The following PHF20 variants were observed in gnomAD, a reference collection of about 807,000 sequenced individuals.
The protein encoded by PHF20 is PHD finger protein 20, also known as glioma-expressed antigen 2.
A neutral mutation model predicts 113.5 loss-of-function variants in PHF20; 23 were observed. The observed-to-expected ratio is 0.20, with a 90% CI of 0.15 to 0.29. PHF20 has a LOEUF of 0.29. PHF20 is among the 10% of genes least tolerant of loss of function. The pLI, the probability that PHF20 is intolerant of heterozygous loss-of-function variation, is 1.00. For missense variants in PHF20, 943 were observed against 1,219.6 expected (o/e 0.77, Z 3.38); for synonymous variants, 434 against 457.3 (o/e 0.95, Z 0.65).
chr20:35,816,931 C>T (rs2042086346), intron 2 of PHF20, among the ~76,000 whole-genome samples: 1 of 150,114 alleles, frequency 6.7e-6, no homozygotes, highest in Non-Finnish European at 1.5e-5. Context: ...AGTGGGATTA[C>T]AGGCGTGCAC....
intron 9 of PHF20, among the ~76,000 whole-genome samples, chr20:35,879,959 T>C (rs1482708279): frequency 6.6e-6 from 1 of 151,426 alleles, no homozygotes; most frequent in Non-Finnish European, 1.5e-5. Context: ...AACACTGTGC[T>C]CCAGAGCTGT....
intron 9 of PHF20, among the ~76,000 whole-genome samples, chr20:35,875,889 G>A (rs1352461872): frequency 6.6e-6 from 1 of 152,100 alleles, no homozygotes; most frequent in Non-Finnish European, 1.5e-5. Flanking sequence ...TATTTTATGG[G>A]GTCTTGGGCT....
At chr20:35,775,777 C>A (rs1007819646) in intron 1 of PHF20, among the ~76,000 whole-genome samples, 6 of 119,380 alleles carry the variant, frequency 5.0e-5, no homozygotes, top group Non-Finnish European at 1.1e-4. Flanking sequence ...AAAAAAAAGG[C>A]CAAAACTTCT....
At chr20:35,792,188 C>T (rs187575927) in intron 1 of PHF20, among the ~76,000 whole-genome samples, 2 of 151,890 alleles carry the variant, frequency 1.3e-5, no homozygotes, top group African/African-American at 4.8e-5. Context: ...CTATTTCTTT[C>T]TTCACTCTTC....
Position 35,915,951 on chromosome 20 carries a change from A to G in PHF20, c.1826-1533A>G, listed in dbSNP as rs148047888. On this transcript the variant is annotated intron_variant, in intron 12 of 17. Coordinates refer to ENST00000374012, the MANE Select transcript of PHF20 (RefSeq NM_016436.5). ...GAAGTTCAAGACCAGCCTGGGCAAC[A>G]TGGCAAACCTTGCCTCTACAAAAAA... 1.9e-4 allele frequency among the ~76,000 whole-genome samples: 29 copies of G among 152,186 alleles called. No homozygotes were observed. The East Asian group carries it at 5.4e-3, about 28-fold the overall frequency.
At chr20:35,849,458 G>A in intron 4 of PHF20, 1 of 471,292 alleles carries the variant, frequency 2.1e-6, no homozygotes, top group South Asian at 1.5e-5. Flanking sequence ...GGAGGAGGCA[G>A]GGCAGGATGG....
At chr20:35,832,925 C>T (rs1333202246) in intron 2 of PHF20, among the ~76,000 whole-genome samples, 1 of 151,846 alleles carries the variant, frequency 6.6e-6, no homozygotes, top group Non-Finnish European at 1.5e-5. Context: ...GTGGTGGGCA[C>T]CTGTAGTCCC....
intron 1 of PHF20, among the ~76,000 whole-genome samples, chr20:35,793,652 T>G (rs916539545): frequency 1.3e-5 from 2 of 151,966 alleles, no homozygotes; most frequent in African/African-American, 4.8e-5. Context: ...ATGTCGCTGG[T>G]TCACATTATT....
At chr20:35,860,117 A>T (rs2054191906) in intron 5 of PHF20, among the ~76,000 whole-genome samples, 1 of 151,988 alleles carries the variant, frequency 6.6e-6, no homozygotes, top group African/African-American at 2.4e-5. Flanking sequence ...GGGTTTCACC[A>T]TGTTGGCCAG....
chr20:35,821,342 G>A (rs2042164771), intron 2 of PHF20, among the ~76,000 whole-genome samples: 1 of 151,824 alleles, frequency 6.6e-6, no homozygotes, highest in Non-Finnish European at 1.5e-5. Context: ...AGCTGAGGCA[G>A]GAGAATTGCT....
intron 2 of PHF20, among the ~76,000 whole-genome samples, chr20:35,810,681 A>T (rs2041961562): frequency 6.6e-6 from 1 of 152,204 alleles, no homozygotes; most frequent in Admixed American, 6.5e-5. Flanking sequence ...TGTAATAACC[A>T]AATTTCTCCA....
At chr20:35,901,201 G>A (rs912484080) in intron 10 of PHF20, among the ~76,000 whole-genome samples, 1 of 152,038 alleles carries the variant, frequency 6.6e-6, no homozygotes, top group Non-Finnish European at 1.5e-5. Context: ...GATCGCCTGA[G>A]GTCAGGAGTT....
intron 13 of PHF20, among the ~76,000 whole-genome samples, chr20:35,919,250 C>G (rs1293572981): frequency 6.6e-6 from 1 of 152,004 alleles, no homozygotes; most frequent in East Asian, 1.9e-4. Context: ...CTCCCGACCT[C>G]AGGTGATCCA....
chr20:35,895,772 G>A (rs1217118057), intron 9 of PHF20, among the ~76,000 whole-genome samples: 4 of 140,168 alleles, frequency 2.9e-5, no homozygotes, highest in East Asian at 4.2e-4. Flanking sequence ...TGCAACCTTC[G>A]CCTCCCAGGT....
intron 2 of PHF20, chr20:35,838,383 G>A (rs530493814): frequency 3.3e-5 from 5 of 152,096 alleles, no homozygotes; most frequent in African/African-American, 4.8e-5. Flanking sequence ...TTCCCCTTCC[G>A]GGAGGCAAAC....
intron 1 of PHF20, among the ~76,000 whole-genome samples, chr20:35,795,369 G>A (rs1314883581): frequency 6.6e-6 from 1 of 151,720 alleles, no homozygotes; most frequent in Non-Finnish European, 1.5e-5. Context: ...TGAGTAGCTG[G>A]GATTATAGGT....
At chr20:35,862,652 T>C (rs2054237911) in intron 5 of PHF20, among the ~76,000 whole-genome samples, 1 of 152,098 alleles carries the variant, frequency 6.6e-6, no homozygotes, top group Non-Finnish European at 1.5e-5. Context: ...GAGGATCGCT[T>C]GGGCCTGGGA....
chr20:35,863,213 A>C lies in PHF20; in HGVS notation c.621A>C (p.Lys207Asn). The C allele has an allele frequency of 6.2e-7, 1 of 1,613,996 alleles. No homozygotes were observed. The highest frequency in any genetic ancestry group is 8.5e-7 in the Non-Finnish European group (1 of 1,179,994). Residue 207 changes from lysine (K) to asparagine (N), a missense_variant, in exon 6 of 18, where the codon AAA becomes AAC. Coordinates refer to ENST00000374012, the MANE Select transcript of PHF20 (RefSeq NM_016436.5). ...AGTTAATCTGTTCTGAAAAGGGGAA[A>C]GTGTCAGAGAAAAGTCTTCCCAAGA... ...EGKLICSEKG[K>N]VSEKSLPKNE...
rs554164200 is a variant in PHF20, at chr20:35,857,392, A to G, written c.341-910A>G. Among the ~76,000 whole-genome samples, 213 of 152,226 alleles carry G rather than the reference A, an allele frequency of 1.4e-3. 2 individuals are homozygous for G. Among genetic ancestry groups the G allele is most frequent in the African/African-American group, 5.0e-3 (206 of 41,540 alleles). On this transcript the variant is annotated intron_variant, in intron 4 of 17. Coordinates refer to ENST00000374012, the MANE Select transcript of PHF20 (RefSeq NM_016436.5). ...TTGAATAATTTTTTTCTAATGGGAA[A>G]AAACTAACAGTGTAGCAGAAAAAAA...
Sources: gnomAD v4.1 joint callset for allele counts (sites outside exome capture counted in the v4.1 genomes callset) on GRCh38, gnomAD v4.1.1 for gene constraint, MANE v1.5 for transcripts, NCBI Gene and HGNC (gene_info 2026-07-23, HGNC 2026-07-21) for gene names.